Variants in WDFY3 observed in about 807,000 individuals in gnomAD.
The protein encoded by WDFY3 is WD repeat and FYVE domain-containing protein 3.
WDFY3 carries 66 observed loss-of-function variants against 409.6 expected under a neutral mutation model. The observed-to-expected ratio is 0.16, with a 90% confidence interval of 0.13 to 0.20. WDFY3 has a LOEUF of 0.20. WDFY3 is among the 10% of genes least tolerant of loss of function. WDFY3 has a pLI of 1.00. For synonymous variants in WDFY3, 1,521 were observed against 1,537.1 expected (o/e 0.99, Z 0.25); for missense variants, 3,031 against 4,298.1 (o/e 0.71, Z 8.24).
rs551626324 is a variant in WDFY3, at chr4:84,790,600, A to G, written c.3488-693T>C. Among the ~76,000 whole-genome samples the G allele has an allele frequency of 7.2e-5, 11 of 152,316 alleles. No homozygotes were observed. The East Asian group carries it at 2.1e-3, about 29-fold the overall frequency. On this transcript the variant is annotated intron_variant, in intron 21 of 67. Coordinates refer to ENST00000295888, the MANE Select transcript of WDFY3 (RefSeq NM_014991.6). ...AGACTAGTTGACACCCAAAACAAAA[A>G]TAAACAAGTGGGACTATCTCAAACT...
intron 30 of WDFY3, 52 bp downstream of exon 30, chr4:84,772,783 G>A (rs1744893345): frequency 7.0e-7 from 1 of 1,437,200 alleles, no homozygotes; most frequent in Admixed American, 1.9e-5. Flanking sequence ...GAAGAAAAAA[G>A]GCATAATATT....
At chr4:84,955,969 A>T (rs936829945) in intron 1 of WDFY3, among the ~76,000 whole-genome samples, 1 of 146,952 alleles carries the variant, frequency 6.8e-6, no homozygotes, top group Non-Finnish European at 1.5e-5. Flanking sequence ...GCAGATAAAC[A>T]AATCAGTTGT....
intron 1 of WDFY3, among the ~76,000 whole-genome samples, chr4:84,941,070 GAAGA>G (rs1405502151): frequency 6.6e-6 from 1 of 151,932 alleles, no homozygotes; most frequent in Non-Finnish European, 1.5e-5. Context: ...CATGTTTAAT[GAAGA>G]AAGACTGAAT....
At position 84,678,256 on chromosome 4, in the gene WDFY3, C is replaced by T; in HGVS notation, c.10171G>A (p.Val3391Met). The T allele has an allele frequency of 6.2e-7, 1 of 1,614,088 alleles. No homozygotes were observed. The highest frequency in any genetic ancestry group is 8.5e-7 in the Non-Finnish European group (1 of 1,179,996). Residue 3391 changes from valine to methionine, a missense_variant, in exon 66 of 68, where the codon GTG becomes ATG. Val to Met is a conservative substitution (Grantham distance 21). Transcript: ENST00000295888. Reference protein sequence around the residue: ...KPGYRWERQLVFRSKLTMHTA... With the variant: ...KPGYRWERQLMFRSKLTMHTA... ...TGCATAGTCAGCTTACTCCTGAACA[C>T]CAGCTGCCGTTCCCATCGGTACCCT... is the stretch of plus-strand genomic sequence containing the variant.
chr4:84,897,482 A>C (rs1393047169), intron 2 of WDFY3, among the ~76,000 whole-genome samples: 1 of 152,068 alleles, frequency 6.6e-6, no homozygotes, highest in Admixed American at 6.6e-5. Flanking sequence ...TCCCAAATTC[A>C]AGTGATTTTC....
chr4:84,772,459 C>A (rs570123444), intron 30 of WDFY3, among the ~76,000 whole-genome samples: 1 of 152,106 alleles, frequency 6.6e-6, no homozygotes, highest in East Asian at 1.9e-4. Context: ...AATAGTAATA[C>A]AGATATATGG....
rs368624407 is a variant in WDFY3, at chr4:84,860,525, A to G, written c.67T>C (p.Leu23=). The G allele has an allele frequency of 2.7e-4, 434 of 1,613,952 alleles. No individual in the cohort carries two copies. Among genetic ancestry groups the G allele is most frequent in the Non-Finnish European group, 3.6e-4 (421 of 1,179,982 alleles). The part of the protein sequence containing the change: ...QEECSPQDNA[L]GLMHLRRLFT... ...AGCCGGCGGAGGTGCATCAGTCCTA[A>G]GGCGTTGTCTTGTGGGCTGCACTCC... Residue 23 remains leucine, a synonymous_variant, in exon 4 of 68, where the codon TTA becomes CTA. Coordinates refer to ENST00000295888, the MANE Select transcript of WDFY3 (RefSeq NM_014991.6).
chr4:84,904,857 A>G (rs1766819226), intron 2 of WDFY3, among the ~76,000 whole-genome samples: 1 of 152,236 alleles, frequency 6.6e-6, no homozygotes, highest in African/African-American at 2.4e-5. Context: ...AAAAGTAACA[A>G]GTTCAAAAAT....
chr4:84,849,414 C>T (rs1297475484), intron 5 of WDFY3, among the ~76,000 whole-genome samples: 1 of 152,044 alleles, frequency 6.6e-6, no homozygotes, highest in Non-Finnish European at 1.5e-5. Context: ...ATCATGCTGA[C>T]ATTTAGACAT....
At chr4:84,775,194 A>C in intron 27 of WDFY3, 56 bp from the exon 28 acceptor site, 4 of 1,415,864 alleles carry the variant, frequency 2.8e-6, no homozygotes, top group Non-Finnish European at 4.0e-6. Flanking sequence ...CCCAAATGCC[A>C]AACCAACAAA....
intron 36 of WDFY3, among the ~76,000 whole-genome samples, chr4:84,749,101 G>C (rs1227444280): frequency 6.6e-6 from 1 of 152,036 alleles, no homozygotes; most frequent in Non-Finnish European, 1.5e-5. Context: ...GCCCGGGTTG[G>C]TCTTGAACTC....
rs191363947 is a variant in WDFY3 at position 84,834,754 on chromosome 4, T to A, written c.576+2175A>T. 8.5e-5 allele frequency among the ~76,000 whole-genome samples: 13 copies of A among 152,216 alleles called. No individual in the cohort carries two copies. In the East Asian group the frequency reaches 2.5e-3, roughly 29 times the overall value. Reference sequence around the variant, plus strand: ...TGTGGCAGAGCAATAACTGGCCACATCAACAACAACAAAAAAACTGAATGC... The same window carrying A: ...TGTGGCAGAGCAATAACTGGCCACAACAACAACAACAAAAAAACTGAATGC... On this transcript the variant is annotated intron_variant, in intron 7 of 67. Coordinates refer to ENST00000295888, the MANE Select transcript of WDFY3 (RefSeq NM_014991.6).
At chr4:84,918,996 G>A (rs1382850015) in intron 2 of WDFY3, among the ~76,000 whole-genome samples, 1 of 151,866 alleles carries the variant, frequency 6.6e-6, no homozygotes, top group East Asian at 1.9e-4. Flanking sequence ...AAGGACTAAG[G>A]CTCCTAGGAG....
Position 84,679,019 on chromosome 4 carries a change from C to G in WDFY3, c.10047G>C (p.Val3349=), listed in dbSNP as rs564684397. Residue 3349 remains valine (V), a synonymous_variant, in exon 65 of 68, where the codon GTG becomes GTC. Coordinates refer to ENST00000295888, the MANE Select transcript of WDFY3 (RefSeq NM_014991.6). ...SLDEKDGFIF[V]NYSEGQTRAH... is the part of the protein sequence containing the mutation. ...CTCTGGTCTGGCCCTCTGAATAGTTCACAAATATGAAGCCGTCTTTCTCAT... is the reference window on the plus strand; with the variant it reads ...CTCTGGTCTGGCCCTCTGAATAGTTGACAAATATGAAGCCGTCTTTCTCAT... 6.2e-7 allele frequency: 1 copy of G among 1,614,208 alleles called. No individual in the cohort carries two copies. The highest frequency in any genetic ancestry group is 1.3e-5 in the African/African-American group (1 of 75,048).
Position 84,753,757 on chromosome 4 carries a change from G to A in WDFY3, c.5679C>T (p.Asp1893=). 1 of 1,611,914 alleles carries A rather than the reference G, an allele frequency of 6.2e-7. No homozygotes were observed. The highest frequency in any genetic ancestry group is 2.2e-5 in the East Asian group (1 of 44,670). ...CGGTGGCTGCTAATGCACACAGGAA[G>A]TCAGGGCTCATCCACATGGAGGCAA... ...PDLASMWMSP[D]FLCALAATVF... The change falls in exon 35 of 68, where the codon GAC becomes GAT. Residue 1893 remains aspartate, a synonymous_variant. Coordinates refer to ENST00000295888, the MANE Select transcript of WDFY3 (RefSeq NM_014991.6).
chr4:84,863,396 G>A (rs564991777), intron 3 of WDFY3, among the ~76,000 whole-genome samples: 7 of 152,142 alleles, frequency 4.6e-5, no homozygotes, highest in African/African-American at 1.4e-4. Flanking sequence ...TCCACCTTCT[G>A]GCCAACATTC....
chr4:84,898,008 A>T (rs1489196265), intron 2 of WDFY3, among the ~76,000 whole-genome samples: 1 of 152,114 alleles, frequency 6.6e-6, no homozygotes, highest in East Asian at 1.9e-4. Flanking sequence ...CATTCACAAA[A>T]CCTCTTTTAT....
intron 46 of WDFY3, 40 bp downstream of exon 46, chr4:84,724,386 C>T (rs771909399): frequency 3.8e-6 from 6 of 1,562,888 alleles, no homozygotes; most frequent in Non-Finnish European, 5.2e-6. Context: ...CAAGAATGTT[C>T]CAAAATCACT....
chr4:84,775,171 G>GT (rs758826743), intron 27 of WDFY3, 33 bp from the exon 28 acceptor site: 13 of 1,591,024 alleles, frequency 8.2e-6, no homozygotes, highest in Non-Finnish European at 1.1e-5. Context: ...TATATTTAAG[G>GT]TTAAAAAAAA....
Sources: allele counts gnomAD v4.1 joint callset (sites outside exome capture counted in the v4.1 genomes callset), GRCh38; gene constraint gnomAD v4.1.1; transcripts MANE v1.5; gene names NCBI Gene and HGNC (gene_info 2026-07-23, HGNC 2026-07-21).